Variants in KLF8 observed in about 807,000 individuals in gnomAD.
KLF8 encodes Krueppel-like factor 8.
KLF8 carries 10 observed loss-of-function variants against 18.2 expected under a neutral mutation model. The observed-to-expected ratio is 0.55, with a 90% CI of 0.34 to 0.93. The LOEUF is 0.93. KLF8 is among the 40% of genes least tolerant of loss of function. KLF8 has a pLI of 0.02. For missense variants in KLF8, 264 were observed against 277.9 expected (o/e 0.95, Z 0.36); for synonymous variants, 109 against 97.3 (o/e 1.12, Z -0.71).
At chrX:56,131,378 C>T in the KLF8 span, among the ~76,000 whole-genome samples, 1 of 111,332 alleles carries the variant, frequency 9.0e-6, no homozygotes, top group Non-Finnish European at 1.9e-5. Flanking sequence ...AATTTTTTAT[C>T]CAGTGAAAAT....
the KLF8 span, among the ~76,000 whole-genome samples, chrX:56,145,763 G>T: frequency 0.012 from 1,353 of 111,468 alleles, 17 homozygotes; most frequent in African/African-American, 0.042. Flanking sequence ...AGAACATTGT[G>T]CTAATGAGTG....
chrX:55,966,221 G>A, the KLF8 span, among the ~76,000 whole-genome samples: 8 of 112,624 alleles, frequency 7.1e-5, no homozygotes, highest in South Asian at 3.7e-4. Flanking sequence ...CACCTGTCTG[G>A]CTTCACCATC....
the KLF8 span, among the ~76,000 whole-genome samples, chrX:56,225,163 G>A: frequency 9.0e-6 from 1 of 111,408 alleles, no homozygotes; most frequent in South Asian, 3.8e-4. Context: ...TCATATGGGT[G>A]TACTATAATT....
At chrX:56,083,490 CT>C in the KLF8 span, among the ~76,000 whole-genome samples, 435 of 111,925 alleles carry the variant, frequency 3.9e-3, no homozygotes, top group African/African-American at 0.013. Flanking sequence ...GAAAATAAAG[CT>C]TTTTTTGATT....
chrX:56,213,269 TTTTTCTTTTGTTTTC>T, the KLF8 span, among the ~76,000 whole-genome samples: 36 of 98,631 alleles, frequency 3.6e-4, no homozygotes, highest in African/African-American at 1.5e-3. Flanking sequence ...GACCTATTTC[TTTTTCTTTTGTTTTC>T]TTTTCTTTTC....
the KLF8 span, among the ~76,000 whole-genome samples, chrX:56,154,114 A>G: frequency 9.0e-6 from 1 of 111,269 alleles, no homozygotes; most frequent in Non-Finnish European, 1.9e-5. Context: ...AAAAGAGCCC[A>G]CATCGCCAAG....
At chrX:55,987,294 C>A in the KLF8 span, among the ~76,000 whole-genome samples, 2 of 109,718 alleles carry the variant, frequency 1.8e-5, no homozygotes, top group African/African-American at 6.7e-5. Context: ...TGGTGTACTG[C>A]ACCCATTAAC....
At chrX:56,169,778 G>A in the KLF8 span, among the ~76,000 whole-genome samples, 1 of 112,111 alleles carries the variant, frequency 8.9e-6, no homozygotes, top group African/African-American at 3.2e-5. Context: ...TACCATGAAA[G>A]GAAGGACACA....
the KLF8 span, among the ~76,000 whole-genome samples, chrX:55,967,476 G>GAA: frequency 2.0e-5 from 2 of 98,681 alleles, no homozygotes; most frequent in African/African-American, 3.7e-5. Context: ...AGTGCTACAG[G>GAA]AAAAAAAAAA....
At chrX:56,280,709 A>G (rs1350194222) in intron 5 of KLF8, among the ~76,000 whole-genome samples, 1 of 112,126 alleles carries the variant, frequency 8.9e-6, no homozygotes, top group Non-Finnish European at 1.9e-5. Flanking sequence ...AAATTTCCCA[A>G]TCTTGGAATT....
chrX:55,961,839 C>T, the KLF8 span: 1 of 265,132 alleles, frequency 3.8e-6, no homozygotes, highest in Non-Finnish European at 7.1e-6. Flanking sequence ...CCCATAATCC[C>T]ATGGGAGTGG....
chrX:56,150,826 T>C, the KLF8 span, among the ~76,000 whole-genome samples: 3 of 111,650 alleles, frequency 2.7e-5, no homozygotes, highest in Non-Finnish European at 5.6e-5. Flanking sequence ...ATCTACATGG[T>C]TGCTGAAAGG....
chrX:56,211,503 G>T, the KLF8 span, among the ~76,000 whole-genome samples: 1 of 112,069 alleles, frequency 8.9e-6, no homozygotes, highest in Admixed American at 9.4e-5. Flanking sequence ...ACTGGGTCTT[G>T]CCCAAGGCCT....
At chrX:56,084,413 AG>A in the KLF8 span, among the ~76,000 whole-genome samples, 1 of 111,525 alleles carries the variant, frequency 9.0e-6, no homozygotes, top group African/African-American at 3.3e-5. Context: ...AAACAAAAAA[AG>A]AAATTCTTTG....
the KLF8 span, among the ~76,000 whole-genome samples, chrX:56,135,589 T>C: frequency 3.6e-5 from 4 of 110,456 alleles, no homozygotes; most frequent in South Asian, 1.6e-3. Context: ...TTAGGAGATA[T>C]ACCTAATGCT....
At chrX:56,079,631 G>A in the KLF8 span, among the ~76,000 whole-genome samples, 19 of 111,729 alleles carry the variant, frequency 1.7e-4, no homozygotes, top group Non-Finnish European at 3.0e-4. Flanking sequence ...GATTTGTGGT[G>A]GAGAGTTCTG....
the KLF8 span, among the ~76,000 whole-genome samples, chrX:56,090,011 A>C: frequency 1.8e-5 from 2 of 112,159 alleles, no homozygotes; most frequent in African/African-American, 6.5e-5. Context: ...ACCAGAGCTT[A>C]ACCAAGTTGG....
chrX:56,193,204 C>T, the KLF8 span, among the ~76,000 whole-genome samples: 1 of 112,476 alleles, frequency 8.9e-6, no homozygotes, highest in South Asian at 3.6e-4. Flanking sequence ...AAGTGGCAAA[C>T]AAGCTTATGA....
the KLF8 span, among the ~76,000 whole-genome samples, chrX:56,152,024 AT>A: frequency 8.9e-6 from 1 of 112,054 alleles, no homozygotes; most frequent in Admixed American, 9.5e-5. Flanking sequence ...TTATTATATA[AT>A]TAGAGAATAT....
Sources: allele counts gnomAD v4.1 joint callset (sites outside exome capture counted in the v4.1 genomes callset), GRCh38; gene constraint gnomAD v4.1.1; transcripts MANE v1.5; gene names NCBI Gene and HGNC (gene_info 2026-07-23, HGNC 2026-07-21).